The following GNAQ variants were observed in gnomAD, a reference collection of about 807,000 sequenced individuals.
The protein encoded by GNAQ is G protein subunit alpha q.
A neutral mutation model predicts 43.9 loss-of-function variants in GNAQ; 8 were observed. The ratio of observed to expected loss-of-function variants is 0.18; its 90% confidence interval spans 0.11 to 0.33. The LOEUF is 0.33. Among genes scored for constraint, GNAQ ranks in the 10% least tolerant of loss-of-function variants. The pLI is 1.00. For missense variants in GNAQ, 158 were observed against 450.8 expected, an observed-to-expected ratio of 0.35 and a Z score of 5.88; for synonymous variants, 155 against 170.7, an observed-to-expected ratio of 0.91 and a Z score of 0.71.
At chr9:77,874,157 A>G (rs548860023) in intron 2 of GNAQ, among the ~76,000 whole-genome samples, 2 of 152,218 alleles carry the variant, frequency 1.3e-5, no homozygotes, top group East Asian at 1.9e-4. Flanking sequence ...AGAAAAAAAT[A>G]TATCTAAAGC....
At chr9:77,926,070 T>C (rs1256313870) in intron 1 of GNAQ, among the ~76,000 whole-genome samples, 1 of 152,190 alleles carries the variant, frequency 6.6e-6, no homozygotes, top group Admixed American at 6.5e-5. Flanking sequence ...TCCATGGATA[T>C]GGAACCCGCG....
chr9:77,946,553 CG>C (rs1822901904), intron 1 of GNAQ, among the ~76,000 whole-genome samples: 1 of 152,170 alleles, frequency 6.6e-6, no homozygotes, highest in Non-Finnish European at 1.5e-5. Context: ...AAAACCTGGG[CG>C]TATGACCCAG....
intron 2 of GNAQ, among the ~76,000 whole-genome samples, chr9:77,912,324 T>C (rs1220278518): frequency 1.3e-5 from 2 of 152,198 alleles, no homozygotes; most frequent in Non-Finnish European, 2.9e-5. Flanking sequence ...TTTCAATAAA[T>C]GAATTGGGTT....
intron 2 of GNAQ, among the ~76,000 whole-genome samples, chr9:77,885,238 G>A (rs1265103109): frequency 2.6e-5 from 4 of 152,164 alleles, no homozygotes; most frequent in Non-Finnish European, 5.9e-5. Flanking sequence ...TACCCTGACA[G>A]AGGCCTAAAC....
chr9:77,796,368 A>G (rs532732448), intron 4 of GNAQ, among the ~76,000 whole-genome samples: 37 of 152,260 alleles, frequency 2.4e-4, no homozygotes, highest in Non-Finnish European at 4.4e-5. Flanking sequence ...CCAATATTGC[A>G]CACATCCATC....
At chr9:77,824,709 A>G (rs1380751630) in intron 2 of GNAQ, among the ~76,000 whole-genome samples, 2 of 152,194 alleles carry the variant, frequency 1.3e-5, no homozygotes, top group Admixed American at 1.3e-4. Context: ...AGCAATCAAA[A>G]CCATGTTGGA....
chr9:77,778,907 A>G (rs1213508498), intron 5 of GNAQ, among the ~76,000 whole-genome samples: 3 of 151,970 alleles, frequency 2.0e-5, no homozygotes, highest in African/African-American at 7.2e-5. Context: ...ATCCCTAACA[A>G]AAGAGCATCA....
intron 5 of GNAQ, among the ~76,000 whole-genome samples, chr9:77,761,784 A>G (rs1158536229): frequency 2.1e-4 from 10 of 48,680 alleles, no homozygotes; most frequent in African/African-American, 3.3e-4. Context: ...GCCTCTGCCC[A>G]GCTGCCCCTA....
chr9:77,801,462 T>C (rs1454364216), intron 3 of GNAQ, among the ~76,000 whole-genome samples: 1 of 152,202 alleles, frequency 6.6e-6, no homozygotes, highest in Non-Finnish European at 1.5e-5. Flanking sequence ...TGTCTGTTCA[T>C]TGCCCAGGTA....
At chr9:77,999,452 T>C (rs932562850) in intron 1 of GNAQ, among the ~76,000 whole-genome samples, 2 of 152,202 alleles carry the variant, frequency 1.3e-5, no homozygotes, top group African/African-American at 4.8e-5. Context: ...CTTTAAAAGC[T>C]GATAGAGAAA....
chr9:77,989,853 A>G (rs1823487317), intron 1 of GNAQ, among the ~76,000 whole-genome samples: 1 of 152,234 alleles, frequency 6.6e-6, no homozygotes, highest in Non-Finnish European at 1.5e-5. Flanking sequence ...GTTTATTTTG[A>G]TAAATGACAT....
At chr9:77,903,828 C>T (rs548861756) in intron 2 of GNAQ, among the ~76,000 whole-genome samples, 1 of 152,234 alleles carries the variant, frequency 6.6e-6, no homozygotes, top group Admixed American at 6.5e-5. Flanking sequence ...CTAACTGCCA[C>T]TCCAGGGCTG....
chr9:77,897,922 C>T (rs1828529193), intron 2 of GNAQ, among the ~76,000 whole-genome samples: 1 of 128,272 alleles, frequency 7.8e-6, no homozygotes, highest in Non-Finnish European at 1.6e-5. Flanking sequence ...TGTTCACTAA[C>T]TTTTAAAACA....
At chr9:77,872,982 T>C (rs1009852139) in intron 2 of GNAQ, among the ~76,000 whole-genome samples, 1 of 152,188 alleles carries the variant, frequency 6.6e-6, no homozygotes, top group African/African-American at 2.4e-5. Context: ...TTCTAGGTCA[T>C]GAGAATGTTC....
chr9:78,024,718 C>A (rs902569736), intron 1 of GNAQ, among the ~76,000 whole-genome samples: 2 of 152,102 alleles, frequency 1.3e-5, no homozygotes, highest in Admixed American at 1.3e-4. Flanking sequence ...TCTTTCCTGT[C>A]GGCAAATAAG....
At chr9:78,007,400 T>C (rs1027271858) in intron 1 of GNAQ, among the ~76,000 whole-genome samples, 2 of 151,404 alleles carry the variant, frequency 1.3e-5, no homozygotes, top group Non-Finnish European at 2.9e-5. Context: ...ATTCACTGCA[T>C]TCCCTTGCTC....
chr9:78,014,603 C>G (rs1005662691), intron 1 of GNAQ, among the ~76,000 whole-genome samples: 2 of 151,982 alleles, frequency 1.3e-5, no homozygotes, highest in African/African-American at 4.8e-5. Context: ...CAAACTCCGT[C>G]TCAAAACAAA....
intron 2 of GNAQ, among the ~76,000 whole-genome samples, chr9:77,819,482 C>T (rs1034444957): frequency 7.2e-5 from 11 of 152,120 alleles, no homozygotes; most frequent in African/African-American, 2.7e-4. Context: ...ATCTCATTAA[C>T]AGCTGAAGGC....
At chr9:78,030,443 G>T (rs999131180) in intron 1 of GNAQ, 11 of 458,774 alleles carry the variant, frequency 2.4e-5, no homozygotes, top group African/African-American at 1.8e-4. Context: ...TGACACATTT[G>T]GGCTTGCCCT....
Sources: gnomAD v4.1 joint callset for allele counts (sites outside exome capture counted in the v4.1 genomes callset) on GRCh38, gnomAD v4.1.1 for gene constraint, MANE v1.5 for transcripts, NCBI Gene and HGNC (gene_info 2026-07-23, HGNC 2026-07-21) for gene names.